The following RPGRIP1L variants were observed in gnomAD, a reference collection of about 807,000 sequenced individuals.
RPGRIP1L encodes the protein protein fantom.
In RPGRIP1L, 131 loss-of-function variants were observed where a neutral mutation model predicts 160.4. The observed-to-expected ratio is 0.82, with a 90% confidence interval of 0.71 to 0.94. The LOEUF (loss-of-function observed/expected upper bound fraction) is 0.94, where lower values mean the gene tolerates loss of function less well. Ranked by LOEUF, RPGRIP1L falls within the 40% of genes least tolerant of loss-of-function variation. The pLI, the probability that RPGRIP1L is intolerant of heterozygous loss-of-function variation, is 0.00. For synonymous variants in RPGRIP1L, 510 were observed against 515.8 expected, an observed-to-expected ratio of 0.99 and a Z score of 0.15; for missense variants, 1,522 against 1,535.8, an observed-to-expected ratio of 0.99 and a Z score of 0.15.
chr16:53,645,621 T>C lies in RPGRIP1L; in HGVS notation c.2683+4A>G. Reference sequence around the variant, plus strand: ...ATTTTATAGATTCAAAAACATAGGCTTACCTGAGATACACCTGTCATGTGC... The same window carrying C: ...ATTTTATAGATTCAAAAACATAGGCCTACCTGAGATACACCTGTCATGTGC... On this transcript the variant is annotated splice_donor_region_variant and intron_variant, in intron 17 of 26. Transcript: ENST00000647211. 6.2e-7 allele frequency: 1 copy of C among 1,612,766 alleles called. No homozygotes were observed. Among genetic ancestry groups the C allele is most frequent in the Non-Finnish European group, 8.5e-7 (1 of 1,179,784 alleles).
Position 53,637,761 on chromosome 16 carries a change from G to A in RPGRIP1L, c.3154C>T (p.Leu1052Phe). Residue 1052 changes from leucine (L) to phenylalanine (F), a missense_variant, in exon 21 of 27, where the codon CTT (leucine) becomes TTT (phenylalanine). Coordinates refer to ENST00000647211, the MANE Select transcript of RPGRIP1L (RefSeq NM_015272.5). ...GAAGATGCCAAGCTTTGTTCTGCAA[G>A]CTGACCTTCAGATAGTAAAGACACA... ...DDVSLLSEGQ[L>F]AEQSLASSED... 1 of 1,612,892 alleles carries A rather than the reference G, an allele frequency of 6.2e-7. No homozygotes were observed. Among genetic ancestry groups the A allele is most frequent in the South Asian group, 1.1e-5 (1 of 91,070 alleles).
intron 23 of RPGRIP1L, among the ~76,000 whole-genome samples, chr16:53,621,491 T>G (rs1055796982): frequency 1.3e-5 from 2 of 152,070 alleles, no homozygotes; most frequent in African/African-American, 4.8e-5. Context: ...AATGTCCTTT[T>G]TAATTCTCTG....
At chr16:53,622,502 C>T (rs1964798886) in intron 22 of RPGRIP1L, 146 bp from the exon 23 acceptor site, 3 of 442,422 alleles carry the variant, frequency 6.8e-6, no homozygotes, top group African/African-American at 2.0e-5. Context: ...CTATCTCAGC[C>T]GATGACATCA....
intron 24 of RPGRIP1L, among the ~76,000 whole-genome samples, chr16:53,618,206 T>C (rs1198970492): frequency 2.0e-5 from 3 of 152,192 alleles, no homozygotes; most frequent in African/African-American, 7.2e-5. Flanking sequence ...AATGGATGTG[T>C]GTGCTATATG....
rs2151102358 is a variant in RPGRIP1L, at chr16:53,649,072, C to G, written c.2196G>C (p.Trp732Cys). 1 of 1,614,028 alleles carries G rather than the reference C, an allele frequency of 6.2e-7. No individual in the cohort carries two copies. Among genetic ancestry groups the G allele is most frequent in the Non-Finnish European group, 8.5e-7 (1 of 1,179,944 alleles). Residue 732 changes from tryptophan to cysteine, a missense_variant, in exon 16 of 27, where the codon TGG becomes TGC. Transcript: ENST00000647211. The stretch of plus-strand genomic sequence containing the variant: ...GATCCATGGGAACTCTTAATCGGAA[C>G]CAGTATTCCACTGTGCCAAAATTTG... ...DIPNFGTVEY[W>C]FRLRVPMDQA...
intron 23 of RPGRIP1L, among the ~76,000 whole-genome samples, chr16:53,620,929 C>T (rs1319348523): frequency 6.6e-6 from 1 of 152,058 alleles, no homozygotes; most frequent in African/African-American, 2.4e-5. Context: ...AAGTCTTCTA[C>T]ATAAGTTGGA....
At chr16:53,632,046 A>C (rs568888492) in intron 22 of RPGRIP1L, among the ~76,000 whole-genome samples, 1 of 152,346 alleles carries the variant, frequency 6.6e-6, no homozygotes, top group East Asian at 1.9e-4. Flanking sequence ...AATGAAATGA[A>C]ACAAAATGAA....
chr16:53,636,407 A>G, intron 22 of RPGRIP1L, 32 bp downstream of exon 22: 1 of 1,453,986 alleles, frequency 6.9e-7, no homozygotes, highest in East Asian at 2.3e-5. Context: ...GCCTTATTTC[A>G]GAACATTTCT....
At chr16:53,636,836 G>A (rs2151031453) in intron 21 of RPGRIP1L, among the ~76,000 whole-genome samples, 1 of 152,128 alleles carries the variant, frequency 6.6e-6, no homozygotes, top group East Asian at 1.9e-4. Context: ...GTAATGTTAT[G>A]TAAGTCAATG....
At chr16:53,619,975 A>G (rs1964606284) in intron 23 of RPGRIP1L, among the ~76,000 whole-genome samples, 1 of 152,200 alleles carries the variant, frequency 6.6e-6, no homozygotes, top group African/African-American at 2.4e-5. Flanking sequence ...GACTAGGATT[A>G]GAAATTATAT....
chr16:53,616,468 A>AT (rs1320701042), intron 24 of RPGRIP1L, among the ~76,000 whole-genome samples: 1 of 152,182 alleles, frequency 6.6e-6, no homozygotes, highest in African/African-American at 2.4e-5. Context: ...CTAGGAGCTC[A>AT]TTTTTTCAGA....
chr16:53,661,637 C>G (rs1967808293), intron 10 of RPGRIP1L, among the ~76,000 whole-genome samples: 1 of 152,136 alleles, frequency 6.6e-6, no homozygotes, highest in Non-Finnish European at 1.5e-5. Flanking sequence ...CATGACTGTT[C>G]CATCTTTATC....
chr16:53,640,665 A>G (rs949966191), intron 19 of RPGRIP1L, among the ~76,000 whole-genome samples: 44 of 152,230 alleles, frequency 2.9e-4, no homozygotes, highest in African/African-American at 9.9e-4. Context: ...TGGCAGAGAG[A>G]AAGTCGCTGT....
Position 53,692,069 on chromosome 16 carries a change from TC to T in RPGRIP1L, c.525del (p.Gly177ValfsTer2). On this transcript the variant is annotated frameshift_variant, in exon 4 of 27. Transcript: ENST00000647211. LOFTEE classifies it high-confidence loss of function. The stretch of plus-strand genomic sequence containing the variant: ...TTTAACGTAAGCTTTGTTTTACCTT[TC>T]CTGGGGCATTCCTGTAAACCAGCAT... The part of the protein sequence containing the change: ...NENAGLQECP[R>X]KGIKFQDADV... The T allele has an allele frequency of 6.2e-7, 1 of 1,614,058 alleles. No individual in the cohort carries two copies. The highest frequency in any genetic ancestry group is 8.5e-7 in the Non-Finnish European group (1 of 1,179,886).
At chr16:53,603,223 T>C (rs930003485) in intron 26 of RPGRIP1L, among the ~76,000 whole-genome samples, 7 of 152,244 alleles carry the variant, frequency 4.6e-5, no homozygotes, top group African/African-American at 1.7e-4. Flanking sequence ...ATTCAATACC[T>C]GAGACTCCAT....
At chr16:53,669,039 C>T (rs1968501596) in intron 9 of RPGRIP1L, among the ~76,000 whole-genome samples, 1 of 152,112 alleles carries the variant, frequency 6.6e-6, no homozygotes, top group Non-Finnish European at 1.5e-5. Context: ...GAATAACAAA[C>T]AAATGCTGTC....
chr16:53,619,180 A>T lies in RPGRIP1L; in HGVS notation c.3461T>A (p.Ile1154Lys). 6.2e-7 allele frequency: 1 copy of T among 1,613,714 alleles called. No homozygotes were observed. The highest frequency in any genetic ancestry group is 8.5e-7 in the Non-Finnish European group (1 of 1,180,034). ...QPSEKIRIEI[I>K]ALSLNDSQVT... ...TTGAGAATCATTAAGGCTTAGAGCT[A>T]TGATCTCAATCCGAATTTTTTCTGA... Residue 1154 changes from isoleucine (I) to lysine (K), a missense_variant, in exon 24 of 27, where the codon ATA becomes AAA. Physicochemically the swap from Ile to Lys is moderately radical, Grantham distance 102. Transcript: ENST00000647211.
Position 53,619,030 on chromosome 16 carries a change from C to T in RPGRIP1L, c.3611G>A (p.Ser1204Asn), listed in dbSNP as rs746750855. ...TACAAATGAATCATACATACCATTG[C>T]TATAGTTATAGTAGACCCACTGCCC... The part of the protein sequence containing the change: ...KSGQWVYYNY[S>N]NVIYVDKENN... The change falls in exon 24 of 27, where the codon AGC becomes AAC. Residue 1204 changes from serine to asparagine, a missense_variant. Coordinates refer to ENST00000647211, the MANE Select transcript of RPGRIP1L (RefSeq NM_015272.5). 8 of 1,610,796 alleles carry T rather than the reference C, an allele frequency of 5.0e-6. No individual in the cohort carries two copies. In the Admixed American group the frequency reaches 5.0e-5, roughly 10 times the overall value.
intron 2 of RPGRIP1L, among the ~76,000 whole-genome samples, chr16:53,697,460 T>A (rs867902178): frequency 2.0e-5 from 3 of 152,212 alleles, no homozygotes; most frequent in African/African-American, 7.2e-5. Context: ...GCAACCTCCC[T>A]GCCTGATTCT....
Sources: allele counts gnomAD v4.1 joint callset (sites outside exome capture counted in the v4.1 genomes callset), GRCh38; gene constraint gnomAD v4.1.1; transcripts MANE v1.5; gene names NCBI Gene and HGNC (gene_info 2026-07-23, HGNC 2026-07-21).